Variants in DPP6 observed in about 807,000 individuals in gnomAD.
DPP6 encodes the protein dipeptidyl peptidase like 6.
DPP6 carries 69 observed loss-of-function variants against 122.6 expected under a neutral mutation model. That is an observed-to-expected ratio of 0.56 (90% CI 0.46 to 0.69). DPP6 has a LOEUF of 0.69. DPP6 is among the 30% of genes least tolerant of loss of function. The pLI, the probability that DPP6 is intolerant of heterozygous loss-of-function variation, is 0.00. For synonymous variants in DPP6, 418 were observed against 433.1 expected, an observed-to-expected ratio of 0.97 and a Z score of 0.43; for missense variants, 928 against 1,116.9, an observed-to-expected ratio of 0.83 and a Z score of 2.41.
intron 9 of DPP6, among the ~76,000 whole-genome samples, chr7:154,770,362 G>A (rs55850657): frequency 0.14 from 21,574 of 152,056 alleles, 1,708 homozygotes; most frequent in East Asian, 0.22. Flanking sequence ...AGAACAGCAT[G>A]GGAAAGACCT....
chr7:153,905,264 C>T (rs78477947), intron 1 of DPP6, among the ~76,000 whole-genome samples: 4,781 of 152,048 alleles, frequency 0.031, 227 homozygotes, highest in African/African-American at 0.11. Context: ...GGATCTGGTT[C>T]GTATGATTAT....
chr7:153,950,194 G>C lies in DPP6; in HGVS notation c.51+62460G>C, dbSNP rs1409592660. ...GGGTAGGAAAGGTTTCAAGGGACAG[G>C]AGGCATTTAAGAATTAAAATTAAAC... On this transcript the variant is annotated intron_variant, in intron 1 of 25. Coordinates refer to the DPP6 transcript ENST00000404039. Among the ~76,000 whole-genome samples the C allele has an allele frequency of 2.6e-5, 4 of 152,234 alleles. No homozygotes were observed. In the East Asian group the frequency reaches 7.7e-4, roughly 29 times the overall value.
intron 1 of DPP6, among the ~76,000 whole-genome samples, chr7:153,931,994 T>C (rs958660053): frequency 6.6e-6 from 1 of 152,256 alleles, no homozygotes; most frequent in African/African-American, 2.4e-5. Context: ...ATTTGTCTTC[T>C]GATCAGAGCT....
intron 1 of DPP6, chr7:154,094,356 T>G (rs1040689740): frequency 2.0e-5 from 3 of 152,194 alleles, no homozygotes; most frequent in African/African-American, 7.3e-5. Context: ...TAGGGAAGAG[T>G]GCTGGCCCTG....
At chr7:154,060,121 T>C (rs1171791848) in intron 1 of DPP6, among the ~76,000 whole-genome samples, 5 of 138,894 alleles carry the variant, frequency 3.6e-5, no homozygotes, top group African/African-American at 1.4e-4. Context: ...GAGGCGGGAC[T>C]GCAAACCTCC....
chr7:153,962,123 A>T (rs1224427309), intron 1 of DPP6, among the ~76,000 whole-genome samples: 3 of 151,724 alleles, frequency 2.0e-5, no homozygotes, highest in Admixed American at 1.3e-4. Flanking sequence ...TAAAGGCAGC[A>T]TGAATGCTTC....
chr7:154,346,469 T>C (rs1042157056), intron 1 of DPP6, among the ~76,000 whole-genome samples: 1 of 151,836 alleles, frequency 6.6e-6, no homozygotes, highest in Admixed American at 6.6e-5. Context: ...ACCATGCCCG[T>C]CTAATTTTTG....
At chr7:154,422,528 C>T (rs1290232860) in intron 1 of DPP6, among the ~76,000 whole-genome samples, 3 of 152,054 alleles carry the variant, frequency 2.0e-5, no homozygotes, top group Non-Finnish European at 2.9e-5. Flanking sequence ...ACACAATTTT[C>T]GCTAGTTAAT....
chr7:154,350,035 C>G (rs1810717317), intron 1 of DPP6, among the ~76,000 whole-genome samples: 1 of 152,250 alleles, frequency 6.6e-6, no homozygotes, highest in Middle Eastern at 3.4e-3. Context: ...ACAGGCAGAC[C>G]TGGGGGGTGA....
intron 1 of DPP6, among the ~76,000 whole-genome samples, chr7:154,197,836 ATCCACCT>A (rs1269012674): frequency 1.3e-5 from 2 of 152,210 alleles, no homozygotes; most frequent in Non-Finnish European, 2.9e-5. Context: ...TCCTAACAGC[ATCCACCT>A]AGGAGCCCAG....
At chr7:153,918,565 AGTCTCT>A (rs1487123667) in intron 1 of DPP6, among the ~76,000 whole-genome samples, 287 of 57,532 alleles carry the variant, frequency 5.0e-3, no homozygotes, top group African/African-American at 6.6e-3. Context: ...ACACACACAC[AGTCTCT>A]CTCTCTCTCT....
At position 154,778,900 on chromosome 7, in the gene DPP6, TCAC is replaced by T. The variant is rs1796778497; in HGVS notation, c.1136+5969_1136+5971del. ...TCCAACACTACAACCTTCACCACCATCACCACCACCACCTCTGTCACCTACACA... is the reference window on the plus strand; with the variant it reads ...TCCAACACTACAACCTTCACCACCATCACCACCACCTCTGTCACCTACACA... On this transcript the variant is annotated intron_variant, in intron 10 of 25. Coordinates refer to ENST00000377770, the MANE Select transcript of DPP6 (RefSeq NM_130797.4). Among the ~76,000 whole-genome samples the T allele has an allele frequency of 2.9e-5, 4 of 138,482 alleles. No individual in the cohort carries two copies. The East Asian group carries it at 9.6e-4, about 33-fold the overall frequency. 90.8% of individuals were successfully genotyped at this position (138,482 alleles called of 152,430 possible).
At chr7:153,883,217 A>AT (rs1197283582), upstream of DPP6, among the ~76,000 whole-genome samples, 5 of 152,220 alleles carry the variant, frequency 3.3e-5, no homozygotes, top group African/African-American at 1.2e-4. Context: ...AGAAAAAGTC[A>AT]TTTTGAGGAT....
chr7:154,804,119 T>C (rs1798547837), intron 14 of DPP6, among the ~76,000 whole-genome samples, 164 bp downstream of exon 14: 1 of 152,158 alleles, frequency 6.6e-6, no homozygotes, highest in Admixed American at 6.5e-5. Context: ...TATAGTAGAT[T>C]CCCGTCCCAA....
chr7:154,256,185 G>T (rs1455540766), intron 1 of DPP6, among the ~76,000 whole-genome samples: 1 of 152,152 alleles, frequency 6.6e-6, no homozygotes, highest in Non-Finnish European at 1.5e-5. Context: ...TGAATTATGA[G>T]ACCCAATTTA....
At chr7:153,993,772 C>A (rs1188580994) in intron 1 of DPP6, among the ~76,000 whole-genome samples, 1 of 152,348 alleles carries the variant, frequency 6.6e-6, no homozygotes, top group Admixed American at 6.5e-5. Flanking sequence ...TTCCCCAGAT[C>A]TCTTTGGGGT....
At chr7:154,384,896 A>G (rs2151151208) in intron 1 of DPP6, among the ~76,000 whole-genome samples, 1 of 152,224 alleles carries the variant, frequency 6.6e-6, no homozygotes, top group South Asian at 2.1e-4. Context: ...ATGATGATAT[A>G]GCTCTAAAGG....
intron 15 of DPP6, among the ~76,000 whole-genome samples, chr7:154,806,342 T>C (rs1027167841): frequency 1.3e-5 from 2 of 152,188 alleles, no homozygotes; most frequent in African/African-American, 4.8e-5. Flanking sequence ...TTAGGATCTT[T>C]CCATTTTAGG....
At chr7:154,019,070 G>T (rs1798565217) in intron 1 of DPP6, among the ~76,000 whole-genome samples, 1 of 152,166 alleles carries the variant, frequency 6.6e-6, no homozygotes, top group African/African-American at 2.4e-5. Flanking sequence ...CATCATGTTT[G>T]CTATCTGTGA....
Sources: gnomAD v4.1 joint callset for allele counts (sites outside exome capture counted in the v4.1 genomes callset) on GRCh38, gnomAD v4.1.1 for gene constraint, MANE v1.5 for transcripts, NCBI Gene and HGNC (gene_info 2026-07-23, HGNC 2026-07-21) for gene names.